The following IGF1 variants were observed in gnomAD, a reference collection of about 807,000 sequenced individuals.
IGF1 encodes insulin like growth factor 1, also known as insulin-like growth factor 1.
IGF1 carries 4 observed loss-of-function variants against 13.8 expected under a neutral mutation model. The observed-to-expected ratio is 0.29, with a 90% CI of 0.14 to 0.66. The LOEUF (loss-of-function observed/expected upper bound fraction) is 0.66, where lower values mean the gene tolerates loss of function less well. Ranked by LOEUF, IGF1 falls within the 30% of genes least tolerant of loss-of-function variation. The pLI is 0.78. For synonymous variants in IGF1, 76 were observed against 72.6 expected (o/e 1.05, Z -0.23); for missense variants, 124 against 188.5 (o/e 0.66, Z 2.00).
At chr12:102,479,477 G>A (rs1881275242) in intron 1 of IGF1, among the ~76,000 whole-genome samples, 1 of 152,110 alleles carries the variant, frequency 6.6e-6, no homozygotes, top group African/African-American at 2.4e-5. Context: ...GCCAGCAATC[G>A]GAAACGAGAA....
intron 2 of IGF1, among the ~76,000 whole-genome samples, chr12:102,423,854 A>T (rs1875962980): frequency 6.6e-6 from 1 of 152,182 alleles, no homozygotes; most frequent in Non-Finnish European, 1.5e-5. Flanking sequence ...GCTGAGATTT[A>T]ACCGGGGTCA....
At chr12:102,475,548 A>G (rs1880963796) in intron 2 of IGF1, 95 bp downstream of exon 2, 1 of 1,373,706 alleles carries the variant, frequency 7.3e-7, no homozygotes, top group Non-Finnish European at 1.0e-6. Context: ...AGATACGGGC[A>G]CTCATTCAGT....
At chr12:102,441,812 GT>G (rs1877741046) in intron 2 of IGF1, among the ~76,000 whole-genome samples, 1 of 152,020 alleles carries the variant, frequency 6.6e-6, no homozygotes. Context: ...CCATAGAAAA[GT>G]TTATTTATTT....
intron 2 of IGF1, among the ~76,000 whole-genome samples, chr12:102,439,295 T>C (rs1454001641): frequency 6.6e-6 from 1 of 152,208 alleles, no homozygotes; most frequent in Non-Finnish European, 1.5e-5. Flanking sequence ...CCTTCTCGGA[T>C]TGATACAAAA....
At position 102,401,992 on chromosome 12, in the gene IGF1, A is replaced by G. The variant is rs1425707400; in HGVS notation, c.*515T>C. ...TGCTTTTGAGGAGGCCAAATTCGGC[A>G]AATATAAAGGTTATGAAGGGAGGTG... is the stretch of plus-strand genomic sequence containing the variant. On this transcript the variant is annotated 3_prime_UTR_variant, in exon 4 of 4. Transcript: ENST00000337514. The G allele has an allele frequency of 1.3e-5, 2 of 152,680 alleles. No individual in the cohort carries two copies. The highest frequency in any genetic ancestry group is 2.9e-5 in the Non-Finnish European group (2 of 68,106). The allele number at this position is 152,680 out of a possible 1,614,324, so 9.5% of individuals were successfully genotyped here.
In IGF1 at chr12:102,455,528, G is replaced by A. The variant is rs77302669; in HGVS notation, c.220+20115C>T. On this transcript the variant is annotated intron_variant, in intron 2 of 3. Transcript: ENST00000337514. ...AGTTCATTTTGAAATATCTCACAGC[G>A]AAACCAGAATAGGGCATTTCAAGTG... 2.3e-3 allele frequency among the ~76,000 whole-genome samples: 344 copies of A among 152,280 alleles called. 1 individual carries two copies. Among genetic ancestry groups the A allele is most frequent in the African/African-American group, 7.7e-3 (321 of 41,554 alleles).
intron 2 of IGF1, among the ~76,000 whole-genome samples, chr12:102,468,131 TCCCCTCTTTTTGA>T (rs1474705521): frequency 6.6e-6 from 1 of 152,210 alleles, no homozygotes; most frequent in Non-Finnish European, 1.5e-5. Flanking sequence ...GGGTATTTCC[TCCCCTCTTTTTGA>T]CCCCTCTTTT....
intron 2 of IGF1, among the ~76,000 whole-genome samples, chr12:102,448,780 C>T (rs1473041679): frequency 6.7e-6 from 1 of 150,250 alleles, no homozygotes; most frequent in East Asian, 2.0e-4. Context: ...TATATGCAGC[C>T]ATCGGACATG....
intron 3 of IGF1, among the ~76,000 whole-genome samples, chr12:102,415,902 C>T (rs560677420): frequency 4.6e-4 from 70 of 152,262 alleles, no homozygotes; most frequent in Middle Eastern, 3.4e-3. Flanking sequence ...GGCTAAGGCA[C>T]GAGCCTGGCT....
intron 1 of IGF1, among the ~76,000 whole-genome samples, chr12:102,477,284 A>C (rs1330545904): frequency 1.3e-5 from 2 of 152,040 alleles, no homozygotes; most frequent in Non-Finnish European, 2.9e-5. Context: ...GAAAAAAAAA[A>C]AAAACCAAAA....
intron 2 of IGF1, among the ~76,000 whole-genome samples, chr12:102,430,723 C>G (rs1029243264): frequency 6.6e-6 from 1 of 152,214 alleles, no homozygotes; most frequent in Non-Finnish European, 1.5e-5. Flanking sequence ...CTCTTCATCT[C>G]TCTTCCTTGC....
At chr12:102,458,329 A>G (rs917997439) in intron 2 of IGF1, among the ~76,000 whole-genome samples, 5 of 152,196 alleles carry the variant, frequency 3.3e-5, no homozygotes, top group South Asian at 2.1e-4. Flanking sequence ...AGTTGTGCAT[A>G]CTAAAGGATT....
intron 2 of IGF1, among the ~76,000 whole-genome samples, chr12:102,441,906 G>GCTGCTGCCTCTTCTTCTTCTT: frequency 1.0e-5 from 1 of 100,292 alleles, no homozygotes; most frequent in Non-Finnish European, 2.1e-5. Context: ...CTATTACACT[G>GCTGCTGCCTCTTCTTCTTCTT]CTTCTTCTCC....
At chr12:102,456,992 G>C (rs1193422694) in intron 2 of IGF1, among the ~76,000 whole-genome samples, 1 of 151,974 alleles carries the variant, frequency 6.6e-6, no homozygotes, top group Non-Finnish European at 1.5e-5. Context: ...ATCTCTCCTG[G>C]TACTAAAAAA....
chr12:102,421,572 G>T (rs5742673), intron 2 of IGF1, among the ~76,000 whole-genome samples: 1 of 152,050 alleles, frequency 6.6e-6, no homozygotes, highest in Admixed American at 6.5e-5. Context: ...TGTATCTTTT[G>T]CCCATTACAG....
intron 2 of IGF1, among the ~76,000 whole-genome samples, chr12:102,428,888 G>A (rs940048721): frequency 2.0e-5 from 3 of 152,170 alleles, no homozygotes; most frequent in Non-Finnish European, 4.4e-5. Flanking sequence ...CCTTGGAAAT[G>A]TCTAGCCGTA....
At chr12:102,422,552 T>A (rs1402071370) in intron 2 of IGF1, among the ~76,000 whole-genome samples, 1 of 152,236 alleles carries the variant, frequency 6.6e-6, no homozygotes, top group East Asian at 1.9e-4. Context: ...TTTTGTTCCA[T>A]ATCTTCAAAT....
intron 2 of IGF1, among the ~76,000 whole-genome samples, chr12:102,447,907 C>A (rs1878497725): frequency 6.6e-6 from 1 of 152,076 alleles, no homozygotes; most frequent in Non-Finnish European, 1.5e-5. Flanking sequence ...GCAAGAAAAG[C>A]CAAAACTGAC....
chr12:102,421,454 C>T (rs540157386), intron 2 of IGF1, among the ~76,000 whole-genome samples: 19 of 152,244 alleles, frequency 1.2e-4, no homozygotes, highest in Admixed American at 2.6e-4. Flanking sequence ...AGGACTTCTA[C>T]GTACTTTTTG....
Sources: allele counts gnomAD v4.1 joint callset (sites outside exome capture counted in the v4.1 genomes callset), GRCh38; gene constraint gnomAD v4.1.1; transcripts MANE v1.5; gene names NCBI Gene and HGNC (gene_info 2026-07-23, HGNC 2026-07-21).